The following RNF17 variants were observed in gnomAD, a reference collection of about 807,000 sequenced individuals.
The protein encoded by RNF17 is spermatogenesis associated 23.
Under a neutral mutation model 200.5 loss-of-function variants are expected in RNF17, and 31 were observed. The ratio of observed to expected loss-of-function variants is 0.15; its 90% CI spans 0.12 to 0.21. RNF17 has a LOEUF of 0.21. Among genes scored for constraint, RNF17 ranks in the 10% least tolerant of loss-of-function variants. The probability of loss-of-function intolerance (pLI) is 1.00; values close to 1 mark genes in which losing one functional copy is unlikely to be tolerated. For missense variants in RNF17, 1,628 were observed against 1,905.1 expected (o/e 0.85, Z 2.71); for synonymous variants, 606 against 637.8 (o/e 0.95, Z 0.75).
intron 11 of RNF17, among the ~76,000 whole-genome samples, chr13:24,797,712 G>GTC (rs1471088786): frequency 5.4e-5 from 8 of 148,992 alleles, no homozygotes; most frequent in African/African-American, 1.2e-4. Context: ...AAGAGTGTGT[G>GTC]TGTGTGTGTG....
At chr13:24,785,063 T>C (rs915544151) in intron 6 of RNF17, among the ~76,000 whole-genome samples, 4 of 152,186 alleles carry the variant, frequency 2.6e-5, no homozygotes, top group Non-Finnish European at 2.9e-5. Flanking sequence ...AGTCAAACTT[T>C]TGCTTTCATT....
downstream of RNF17, among the ~76,000 whole-genome samples, chr13:24,883,630 G>GGTT (rs1350728348): frequency 2.0e-5 from 3 of 151,926 alleles, no homozygotes; most frequent in East Asian, 3.8e-4. Context: ...TCTTCCTTTT[G>GGTT]GTTGTTATAT....
chr13:24,784,649 TTTTA>T (rs1194072058), intron 6 of RNF17, among the ~76,000 whole-genome samples: 2 of 152,164 alleles, frequency 1.3e-5, no homozygotes, highest in Non-Finnish European at 1.5e-5. Context: ...TTTTAATCCT[TTTTA>T]TTTGTGTAAA....
At chr13:24,842,978 C>T (rs1043117606) in intron 19 of RNF17, among the ~76,000 whole-genome samples, 2 of 150,716 alleles carry the variant, frequency 1.3e-5, no homozygotes, top group African/African-American at 4.9e-5. Flanking sequence ...CAGAGCAAGA[C>T]TCTGTCTAAA....
intron 15 of RNF17, among the ~76,000 whole-genome samples, chr13:24,813,325 A>C (rs558745257): frequency 6.6e-6 from 1 of 151,652 alleles, no homozygotes; most frequent in East Asian, 2.0e-4. Flanking sequence ...ACACCTGTCT[A>C]ATTATTATTT....
intron 16 of RNF17, among the ~76,000 whole-genome samples, chr13:24,827,658 C>G (rs911670355): frequency 7.4e-6 from 1 of 134,680 alleles, no homozygotes; most frequent in Non-Finnish European, 1.5e-5. Flanking sequence ...GCCGAGATCC[C>G]GCCACTGCAC....
intron 31 of RNF17, 35 bp from the exon 32 acceptor site, chr13:24,870,536 A>G: frequency 1.9e-6 from 3 of 1,585,208 alleles, no homozygotes; most frequent in Non-Finnish European, 2.6e-6. Context: ...GACATTCCAG[A>G]ATCTGAAAGT....
intron 15 of RNF17, among the ~76,000 whole-genome samples, chr13:24,818,734 A>G (rs1566176214): frequency 6.6e-6 from 1 of 152,050 alleles, no homozygotes. Context: ...TGCATGGAGT[A>G]TTTTCTTCCA....
intron 2 of RNF17, 60 bp from the exon 3 acceptor site, chr13:24,774,753 T>G: frequency 1.0e-6 from 1 of 990,926 alleles, no homozygotes; most frequent in African/African-American, 1.6e-5. Flanking sequence ...GTTGTTTAGG[T>G]TCTGGATAGG....
In RNF17 at chr13:24,821,024, T is replaced by C. The variant is rs148838178; in HGVS notation, c.2092-4595T>C. On this transcript the variant is annotated intron_variant, in intron 15 of 35. Coordinates refer to ENST00000255324, the MANE Select transcript of RNF17 (RefSeq NM_031277.3). Reference sequence around the variant, plus strand: ...AGTCTAGAAGTATGAGATCAGTTTGTCAGAAGAGTTGATTTCTTCTGAGGG... The same window carrying C: ...AGTCTAGAAGTATGAGATCAGTTTGCCAGAAGAGTTGATTTCTTCTGAGGG... Among the ~76,000 whole-genome samples the C allele has an allele frequency of 2.1e-3, 326 of 152,306 alleles. 2 individuals carry two copies. The highest frequency in any genetic ancestry group is 6.7e-3 in the African/African-American group (277 of 41,562).
chr13:24,831,585 C>G (rs1191265646), intron 17 of RNF17, among the ~76,000 whole-genome samples: 1 of 152,198 alleles, frequency 6.6e-6, no homozygotes, highest in African/African-American at 2.4e-5. Context: ...CTGCTTTTTA[C>G]AAGTAATTAA....
rs200361407 is a variant in RNF17 at position 24,789,328 on chromosome 13, ATT to A, written c.784-11_784-10del. On this transcript the variant is annotated intron_variant, in intron 7 of 35. Transcript: ENST00000255324. ...TTGTGACAAGATTCACACATGAATG[ATT>A]TTTTTTTTAAATTCTAGATTATCCG... 2 of 1,390,086 alleles carry A rather than the reference ATT, an allele frequency of 1.4e-6. No homozygotes were observed. Among genetic ancestry groups the A allele is most frequent in the Non-Finnish European group, 2.0e-6 (2 of 996,570 alleles). The allele number at this position is 1,390,086 out of a possible 1,614,324, so 86.1% of individuals were successfully genotyped here. A position where few individuals can be genotyped will look rare whatever the true frequency, so the allele number is the denominator to read the frequency against.
intron 35 of RNF17, 104 bp from the exon 36 acceptor site, chr13:24,879,632 AC>A: frequency 5.6e-6 from 1 of 177,688 alleles, no homozygotes; most frequent in African/African-American, 2.3e-5. Context: ...CCACGTACTT[AC>A]ATGGGTAGCC....
At chr13:24,812,413 C>T (rs563372614) in intron 15 of RNF17, among the ~76,000 whole-genome samples, 169 of 152,088 alleles carry the variant, frequency 1.1e-3, no homozygotes, top group Non-Finnish European at 1.4e-3. Context: ...TTCCAGGTGC[C>T]GTCTGTCACC....
chr13:24,785,684 G>A (rs1309796456), intron 6 of RNF17, among the ~76,000 whole-genome samples: 1 of 152,120 alleles, frequency 6.6e-6, no homozygotes, highest in Non-Finnish European at 1.5e-5. Context: ...ATTATTGGAA[G>A]GGAGATATTG....
At chr13:24,831,748 T>C (rs1307156754) in intron 17 of RNF17, 110 bp from the exon 18 acceptor site, 1 of 911,434 alleles carries the variant, frequency 1.1e-6, no homozygotes, top group African/African-American at 1.7e-5. Flanking sequence ...TTCTAATATG[T>C]ATGAAATTCA....
chr13:24,874,930 A>G lies in RNF17; in HGVS notation c.4583+681A>G, dbSNP rs558140701. 3.3e-5 allele frequency among the ~76,000 whole-genome samples: 5 copies of G among 152,306 alleles called. No individual in the cohort carries two copies. In the South Asian group the frequency reaches 1.0e-3, roughly 32 times the overall value. On this transcript the variant is annotated intron_variant, in intron 33 of 35. Transcript: ENST00000255324. ...CCTGTTCTGGGTACCTCATATAAGT[A>G]AATTCATACAGTATTTGTCCTTTTG... is the stretch of plus-strand genomic sequence containing the variant.
At chr13:24,861,783 T>G (rs1048845794) in intron 27 of RNF17, among the ~76,000 whole-genome samples, 2 of 152,190 alleles carry the variant, frequency 1.3e-5, no homozygotes, top group East Asian at 3.8e-4. Context: ...CTCATGCAGT[T>G]TCTATGGTTC....
At chr13:24,810,489 G>T (rs2137815062) in intron 15 of RNF17, among the ~76,000 whole-genome samples, 1 of 137,160 alleles carries the variant, frequency 7.3e-6, no homozygotes, top group South Asian at 2.6e-4. Flanking sequence ...TTTTCCATTT[G>T]CTTGGTAGAT....
Sources: gnomAD v4.1 joint callset for allele counts (sites outside exome capture counted in the v4.1 genomes callset) on GRCh38, gnomAD v4.1.1 for gene constraint, MANE v1.5 for transcripts, NCBI Gene and HGNC (gene_info 2026-07-23, HGNC 2026-07-21) for gene names.